The following PREX1 variants were observed in gnomAD, a reference collection of about 807,000 sequenced individuals.
PREX1 encodes the protein phosphatidylinositol-3,4,5-trisphosphate dependent Rac exchange factor 1.
In PREX1, 41 loss-of-function variants were observed where a neutral mutation model predicts 198.3. The observed-to-expected ratio is 0.21, with a 90% CI of 0.16 to 0.27. The LOEUF (loss-of-function observed/expected upper bound fraction) is 0.27, where lower values mean the gene tolerates loss of function less well. Ranked by LOEUF, PREX1 falls within the 10% of genes least tolerant of loss-of-function variation. The probability of loss-of-function intolerance (pLI) is 1.00; values close to 1 mark genes in which losing one functional copy is unlikely to be tolerated. For synonymous variants in PREX1, 843 were observed against 887.2 expected (o/e 0.95, Z 0.89); for missense variants, 1,620 against 2,200.7 (o/e 0.74, Z 5.28).
At chr20:48,734,679 G>A (rs2090049314) in intron 3 of PREX1, 29 bp from the exon 4 acceptor site, 1 of 1,602,088 alleles carries the variant, frequency 6.2e-7, no homozygotes, top group African/African-American at 1.3e-5. Context: ...GCCTGTGGGA[G>A]GCAGGTCATG....
the PREX1 span, among the ~76,000 whole-genome samples, chr20:48,834,839 T>C: frequency 6.6e-6 from 1 of 151,512 alleles, no homozygotes; most frequent in Non-Finnish European, 1.5e-5. Flanking sequence ...GGATTACAGG[T>C]GTGAGGCACC....
chr20:48,648,277 A>T (rs1288164592), intron 25 of PREX1, among the ~76,000 whole-genome samples: 1 of 152,200 alleles, frequency 6.6e-6, no homozygotes, highest in Non-Finnish European at 1.5e-5. Context: ...GGTGTCTCTA[A>T]TACATACAGA....
At chr20:48,801,032 G>GGA (rs2090384396) in intron 1 of PREX1, among the ~76,000 whole-genome samples, 1 of 152,154 alleles carries the variant, frequency 6.6e-6, no homozygotes, top group Non-Finnish European at 1.5e-5. Flanking sequence ...GGTAACCTTT[G>GGA]GAGAGTTCCT....
chr20:48,758,309 C>T (rs2090163802), intron 1 of PREX1, among the ~76,000 whole-genome samples: 1 of 152,142 alleles, frequency 6.6e-6, no homozygotes, highest in South Asian at 2.1e-4. Context: ...CCTGGCACTC[C>T]CCATCTTCCC....
intron 14 of PREX1, among the ~76,000 whole-genome samples, chr20:48,671,397 G>C (rs1224677276): frequency 1.3e-5 from 2 of 152,228 alleles, no homozygotes; most frequent in Non-Finnish European, 2.9e-5. Flanking sequence ...AAAGGCAGGA[G>C]ATGCCTGGGT....
chr20:48,687,006 C>T (rs12481119), intron 10 of PREX1, among the ~76,000 whole-genome samples: 24,881 of 152,172 alleles, frequency 0.16, 2,247 homozygotes, highest in Middle Eastern at 0.29. Flanking sequence ...CCTTGGCTTC[C>T]GGAGGAGTGC....
rs117411359 is a variant in PREX1 at position 48,668,272 on chromosome 20, G to A, written c.1666-1917C>T. On this transcript the variant is annotated intron_variant, in intron 14 of 39. Coordinates refer to ENST00000371941, the MANE Select transcript of PREX1 (RefSeq NM_020820.4). Reference sequence around the variant, plus strand: ...GCGCAGAGGAACCAGAAGGCAGCACGGCCGACCAGGGGAGGACAAGCTGAG... The same window carrying A: ...GCGCAGAGGAACCAGAAGGCAGCACAGCCGACCAGGGGAGGACAAGCTGAG... 1.6e-4 allele frequency among the ~76,000 whole-genome samples: 24 copies of A among 152,322 alleles called. No individual in the cohort carries two copies. In the East Asian group the frequency reaches 2.9e-3, roughly 18 times the overall value.
chr20:48,674,556 G>C (rs1019076707), intron 14 of PREX1, among the ~76,000 whole-genome samples: 12 of 152,090 alleles, frequency 7.9e-5, no homozygotes, highest in African/African-American at 2.9e-4. Context: ...TTGAGGACTC[G>C]CTGAAAAATT....
At chr20:48,731,061 T>C (rs879069951) in intron 4 of PREX1, among the ~76,000 whole-genome samples, 2 of 152,082 alleles carry the variant, frequency 1.3e-5, no homozygotes, top group Admixed American at 1.3e-4. Flanking sequence ...GCTCCTTCAT[T>C]ACCTGGTTTC....
At chr20:48,877,194 C>G in the PREX1 span, among the ~76,000 whole-genome samples, 1 of 151,792 alleles carries the variant, frequency 6.6e-6, no homozygotes, top group Admixed American at 6.6e-5. Flanking sequence ...TTGCTTGAAC[C>G]CAGAAGGTGG....
At chr20:48,642,115 T>C (rs2089418373) in intron 29 of PREX1, 53 bp downstream of exon 29, 3 of 1,570,998 alleles carry the variant, frequency 1.9e-6, no homozygotes, top group Non-Finnish European at 1.8e-6. Flanking sequence ...CGCCGCCCTG[T>C]CTAACACCCT....
chr20:48,786,742 C>CA (rs1284956885), intron 1 of PREX1, among the ~76,000 whole-genome samples: 1,262 of 72,314 alleles, frequency 0.017, 11 homozygotes, highest in African/African-American at 0.052. Context: ...AAGACTCTGT[C>CA]AAAAAAAAAA....
At chr20:48,724,834 C>A (rs1351708078) in intron 5 of PREX1, among the ~76,000 whole-genome samples, 2 of 152,246 alleles carry the variant, frequency 1.3e-5, no homozygotes, top group Non-Finnish European at 2.9e-5. Flanking sequence ...GGTCCACAGG[C>A]TACCAGTTTA....
At chr20:48,794,786 A>T (rs887778075) in intron 1 of PREX1, among the ~76,000 whole-genome samples, 1 of 152,224 alleles carries the variant, frequency 6.6e-6, no homozygotes, top group African/African-American at 2.4e-5. Context: ...GGGAGACAGC[A>T]GTGCTATTTA....
chr20:48,797,572 G>A (rs955573602), intron 1 of PREX1, among the ~76,000 whole-genome samples: 1 of 151,952 alleles, frequency 6.6e-6, no homozygotes, highest in African/African-American at 2.4e-5. Context: ...CGCTGTCTCT[G>A]TTCACTGCCC....
intron 25 of PREX1, 31 bp from the exon 26 acceptor site, chr20:48,646,088 T>C (rs1310672942): frequency 2.5e-6 from 4 of 1,603,150 alleles, no homozygotes; most frequent in Non-Finnish European, 3.4e-6. Context: ...AAGTCAAAGA[T>C]ACAGGCCTGG....
At chr20:48,726,427 A>T in intron 4 of PREX1, 36 bp from the exon 5 acceptor site, 1 of 1,518,754 alleles carries the variant, frequency 6.6e-7, no homozygotes, top group South Asian at 1.1e-5. Context: ...GAAACCCACC[A>T]AGGATAGCAC....
In PREX1 at chr20:48,827,555, C is replaced by T. The variant is rs960221127; in HGVS notation, c.219+87G>A. 15 of 1,026,706 alleles carry T rather than the reference C, an allele frequency of 1.5e-5. No homozygotes were observed. The South Asian group carries it at 6.0e-4, about 41-fold the overall frequency. 63.6% of individuals were successfully genotyped at this position (1,026,706 alleles called of 1,614,324 possible). ...CGCCCCCGAGGCAATTCTCCACCCA[C>T]GGGGACCACGGCCACAGGTTGTGGG... is the stretch of plus-strand genomic sequence containing the variant. On this transcript the variant is annotated intron_variant, in intron 1 of 39. Coordinates refer to ENST00000371941, the MANE Select transcript of PREX1 (RefSeq NM_020820.4). The surrounding 1 kb of genome is among the most constrained non-coding windows in gnomAD (Gnocchi z 4.1).
chr20:48,734,157 T>C (rs1353980497), intron 4 of PREX1, among the ~76,000 whole-genome samples: 1 of 152,256 alleles, frequency 6.6e-6, no homozygotes, highest in African/African-American at 2.4e-5. Flanking sequence ...TAATAATTAC[T>C]ACTCTTGCTG....
Sources: allele counts gnomAD v4.1 joint callset (sites outside exome capture counted in the v4.1 genomes callset), GRCh38; gene constraint gnomAD v4.1.1; non-coding constraint Gnocchi (gnomAD v3.1); transcripts MANE v1.5; gene names NCBI Gene and HGNC (gene_info 2026-07-23, HGNC 2026-07-21).